CNTN5: variants seen among roughly 807,000 people sequenced by gnomAD.
CNTN5 encodes contactin 5, also known as contactin-5.
In CNTN5, 77 loss-of-function variants were observed where a neutral mutation model predicts 129.1. The ratio of observed to expected loss-of-function variants is 0.60; its 90% CI spans 0.50 to 0.72. CNTN5 has a LOEUF of 0.72. CNTN5 is among the 30% of genes least tolerant of loss of function. The pLI is 0.00. For missense variants in CNTN5, 1,478 were observed against 1,328.8 expected, an observed-to-expected ratio of 1.11 and a Z score of -1.75; for synonymous variants, 509 against 465.6, an observed-to-expected ratio of 1.09 and a Z score of -1.20.
chr11:100,069,791 T>C (rs1943837006), intron 10 of CNTN5, among the ~76,000 whole-genome samples: 1 of 152,288 alleles, frequency 6.6e-6, no homozygotes, highest in African/African-American at 2.4e-5. Context: ...TCAACATTTT[T>C]CCTTAAAAAT....
chr11:100,255,628 A>T, intron 16 of CNTN5, 132 bp from the exon 17 acceptor site: 1 of 754,118 alleles, frequency 1.3e-6, no homozygotes, highest in Non-Finnish European at 2.0e-6. Flanking sequence ...TTTTGTTGTC[A>T]ATTTTAATTA....
chr11:100,019,407 C>T (rs1941007785), intron 9 of CNTN5, among the ~76,000 whole-genome samples: 1 of 151,918 alleles, frequency 6.6e-6, no homozygotes, highest in African/African-American at 2.4e-5. Flanking sequence ...ATGAGTTTGA[C>T]ATTTTTAAAT....
At chr11:99,826,851 A>G (rs913881143) in intron 4 of CNTN5, among the ~76,000 whole-genome samples, 2 of 152,178 alleles carry the variant, frequency 1.3e-5, no homozygotes, top group Non-Finnish European at 2.9e-5. Flanking sequence ...GAGCATGCAG[A>G]TTTAAAATAA....
intron 3 of CNTN5, among the ~76,000 whole-genome samples, chr11:99,743,766 A>G (rs985178381): frequency 1.3e-5 from 2 of 152,164 alleles, no homozygotes; most frequent in African/African-American, 4.8e-5. Flanking sequence ...TAACTCCCTA[A>G]TGATAAAGGC....
At chr11:99,645,296 A>G (rs958939069) in intron 3 of CNTN5, among the ~76,000 whole-genome samples, 1 of 149,896 alleles carries the variant, frequency 6.7e-6, no homozygotes, top group Admixed American at 6.7e-5. Context: ...AAGATTGAGA[A>G]AAAGCCTATG....
At chr11:99,228,682 C>CT (rs918060186) in intron 1 of CNTN5, among the ~76,000 whole-genome samples, 9 of 151,706 alleles carry the variant, frequency 5.9e-5, no homozygotes, top group African/African-American at 1.9e-4. Flanking sequence ...AAATATTATT[C>CT]TTTTTTTATA....
chr11:99,862,606 T>G (rs919603872), intron 6 of CNTN5, among the ~76,000 whole-genome samples: 15 of 152,030 alleles, frequency 9.9e-5, no homozygotes, highest in African/African-American at 3.1e-4. Context: ...TTAAAATATA[T>G]TTTTTATTTA....
chr11:100,180,501 G>A (rs1325111654), intron 13 of CNTN5, among the ~76,000 whole-genome samples: 1 of 151,874 alleles, frequency 6.6e-6, no homozygotes, highest in Non-Finnish European at 1.5e-5. Flanking sequence ...AGACTTAAAC[G>A]TCAATGTAAT....
Position 100,229,006 on chromosome 11 carries a change from G to C in CNTN5, c.2005+4194G>C, listed in dbSNP as rs970517163. 3.9e-5 allele frequency among the ~76,000 whole-genome samples: 6 copies of C among 152,048 alleles called. No homozygotes were observed. In the South Asian group the frequency reaches 1.2e-3, roughly 32 times the overall value. On this transcript the variant is annotated intron_variant, in intron 16 of 24. Coordinates refer to ENST00000524871, the MANE Select transcript of CNTN5 (RefSeq NM_014361.4). ...GGCATTAATCTAAGCACAGGGCCCC[G>C]AACTTGCAAGTTCGCAGATCTTGAA...
intron 13 of CNTN5, among the ~76,000 whole-genome samples, chr11:100,138,960 C>G (rs1379658632): frequency 6.6e-6 from 1 of 152,008 alleles, no homozygotes; most frequent in Non-Finnish European, 1.5e-5. Context: ...ACAGGATTTT[C>G]TAGTTGACTG....
intron 1 of CNTN5, among the ~76,000 whole-genome samples, chr11:99,036,918 T>G (rs751921831): frequency 6.6e-6 from 1 of 152,206 alleles, no homozygotes; most frequent in African/African-American, 2.4e-5. Context: ...CCTTTACATA[T>G]TAACAGAAAC....
intron 3 of CNTN5, among the ~76,000 whole-genome samples, chr11:99,727,920 A>T (rs1412489680): frequency 6.6e-6 from 1 of 152,200 alleles, no homozygotes; most frequent in Non-Finnish European, 1.5e-5. Flanking sequence ...CATAAAAAAA[A>T]TTGAGTCACA....
At chr11:99,537,573 G>A (rs529147431) in intron 2 of CNTN5, among the ~76,000 whole-genome samples, 2 of 152,182 alleles carry the variant, frequency 1.3e-5, no homozygotes, top group African/African-American at 2.4e-5. Flanking sequence ...TTTAAAAATT[G>A]TCTATGCTTT....
chr11:99,200,658 A>G (rs1229682935), intron 1 of CNTN5, among the ~76,000 whole-genome samples: 1 of 152,210 alleles, frequency 6.6e-6, no homozygotes, highest in Non-Finnish European at 1.5e-5. Context: ...AGCCATCATG[A>G]TATAAGTGCA....
At chr11:100,180,562 T>A (rs1948109541) in intron 13 of CNTN5, among the ~76,000 whole-genome samples, 1 of 151,930 alleles carries the variant, frequency 6.6e-6, no homozygotes, top group South Asian at 2.1e-4. Flanking sequence ...GAACTAAGGT[T>A]AAACAAAGAA....
chr11:99,160,351 T>C (rs961066602), intron 1 of CNTN5, among the ~76,000 whole-genome samples: 1 of 152,204 alleles, frequency 6.6e-6, no homozygotes, highest in African/African-American at 2.4e-5. Context: ...GTTTAGCATA[T>C]ACATTGATGG....
At chr11:99,468,270 A>T (rs576922511) in intron 2 of CNTN5, among the ~76,000 whole-genome samples, 18 of 152,232 alleles carry the variant, frequency 1.2e-4, no homozygotes, top group Middle Eastern at 6.8e-3. Flanking sequence ...GAGTACTTAG[A>T]CTCATGTAGG....
chr11:99,468,955 G>A (rs562400676), intron 2 of CNTN5, among the ~76,000 whole-genome samples: 1 of 152,174 alleles, frequency 6.6e-6, no homozygotes, highest in South Asian at 2.1e-4. Context: ...AAAGAAATAT[G>A]TGAAATTCAA....
At chr11:99,435,557 T>A (rs1282306917) in intron 2 of CNTN5, among the ~76,000 whole-genome samples, 1 of 152,194 alleles carries the variant, frequency 6.6e-6, no homozygotes, top group African/African-American at 2.4e-5. Flanking sequence ...GTTACATGCA[T>A]CTACTTAACA....
Sources: allele counts gnomAD v4.1 joint callset (sites outside exome capture counted in the v4.1 genomes callset), GRCh38; gene constraint gnomAD v4.1.1; transcripts MANE v1.5; gene names NCBI Gene and HGNC (gene_info 2026-07-23, HGNC 2026-07-21).